The following PCID2 variants were observed in gnomAD, a reference collection of about 807,000 sequenced individuals.
The protein encoded by PCID2 is PCI domain-containing protein 2.
In PCID2, 41 loss-of-function variants were observed where a neutral mutation model predicts 61.3. The observed-to-expected ratio is 0.67, with a 90% CI of 0.52 to 0.87. PCID2 has a LOEUF of 0.87. PCID2 is among the 40% of genes least tolerant of loss of function. The pLI is 0.00. For synonymous variants in PCID2, 187 were observed against 177.8 expected, an observed-to-expected ratio of 1.05 and a Z score of -0.41; for missense variants, 392 against 493.4, an observed-to-expected ratio of 0.79 and a Z score of 1.95.
chr13:113,180,656 G>A (rs2037549335), intron 10 of PCID2, among the ~76,000 whole-genome samples: 1 of 152,200 alleles, frequency 6.6e-6, no homozygotes, highest in African/African-American at 2.4e-5. Flanking sequence ...AATCCATTCA[G>A]AGCTACAGAA....
At chr13:113,170,353 T>A in the PCID2 span, 1 of 1,058,860 alleles carries the variant, frequency 9.4e-7, no homozygotes, top group Non-Finnish European at 1.5e-6. Flanking sequence ...CAGTAGACTT[T>A]ACTGCCCCTA....
intron 6 of PCID2, among the ~76,000 whole-genome samples, chr13:113,194,181 C>T (rs922004818): frequency 2.6e-5 from 4 of 152,146 alleles, no homozygotes; most frequent in Admixed American, 6.5e-5. Flanking sequence ...ACCCCCAGTC[C>T]GCACCACTTT....
At chr13:113,201,651 A>C (rs2039436878) in intron 1 of PCID2, among the ~76,000 whole-genome samples, 1 of 152,018 alleles carries the variant, frequency 6.6e-6, no homozygotes, top group African/African-American at 2.4e-5. Flanking sequence ...CTGTACTAAA[A>C]ATACAAAAAA....
chr13:113,185,673 G>T, intron 7 of PCID2, 113 bp from the exon 8 acceptor site: 1 of 644,970 alleles, frequency 1.6e-6, no homozygotes, highest in South Asian at 2.1e-5. Context: ...CAAAGCTCAA[G>T]TCATATTCAT....
At chr13:113,176,872 C>T (rs969107490), downstream of PCID2, among the ~76,000 whole-genome samples, 2 of 152,154 alleles carry the variant, frequency 1.3e-5, no homozygotes, top group Admixed American at 6.5e-5. Flanking sequence ...AGAAGCCGAC[C>T]GTGCTGGCAA....
chr13:113,170,396 T>G, the PCID2 span: 1 of 1,437,460 alleles, frequency 7.0e-7, no homozygotes, highest in Non-Finnish European at 9.8e-7. Context: ...ATTTATTGTC[T>G]GTTTTGATTT....
At chr13:113,165,344 C>T in the PCID2 span, among the ~76,000 whole-genome samples, 4 of 152,204 alleles carry the variant, frequency 2.6e-5, no homozygotes, top group African/African-American at 7.2e-5. Flanking sequence ...AAGACCTTTC[C>T]TCTGCAGTTC....
chr13:113,169,782 C>T, the PCID2 span, among the ~76,000 whole-genome samples: 1 of 152,240 alleles, frequency 6.6e-6, no homozygotes, highest in Non-Finnish European at 1.5e-5. Context: ...GTCCCTCTCA[C>T]ACTCTTGGGT....
the PCID2 span, among the ~76,000 whole-genome samples, chr13:113,168,355 G>A: frequency 6.6e-6 from 1 of 152,196 alleles, no homozygotes; most frequent in Admixed American, 6.5e-5. Context: ...GGCGTCTGGG[G>A]AAGAAGCCTT....
chr13:113,172,699 T>C (rs2037137647), downstream of PCID2, among the ~76,000 whole-genome samples: 1 of 152,220 alleles, frequency 6.6e-6, no homozygotes, highest in African/African-American at 2.4e-5. Flanking sequence ...CGCCGGCGTC[T>C]CACGGGGTTG....
chr13:113,175,106 G>A (rs947601167), downstream of PCID2, among the ~76,000 whole-genome samples: 2 of 152,150 alleles, frequency 1.3e-5, no homozygotes, highest in Non-Finnish European at 2.9e-5. Flanking sequence ...CGCCATGATT[G>A]TAAGTTTCCT....
At chr13:113,205,398 T>C (rs749306411) in intron 1 of PCID2, among the ~76,000 whole-genome samples, 91 of 152,288 alleles carry the variant, frequency 6.0e-4, no homozygotes, top group African/African-American at 1.6e-3. Context: ...AGTGAAGAAA[T>C]TGCAACCCTC....
chr13:113,187,233 G>C (rs1477987143), intron 7 of PCID2: 1 of 152,188 alleles, frequency 6.6e-6, no homozygotes, highest in Admixed American at 6.5e-5. Context: ...TATCGTAGCT[G>C]GTCTGGCACC....
intron 9 of PCID2, among the ~76,000 whole-genome samples, chr13:113,182,625 G>A (rs895755460): frequency 1.3e-5 from 2 of 152,014 alleles, no homozygotes; most frequent in Non-Finnish European, 2.9e-5. Context: ...TCAGCCTCCC[G>A]AGTAGCTGGG....
chr13:113,203,918 G>A (rs994634015), intron 1 of PCID2, among the ~76,000 whole-genome samples: 28 of 152,230 alleles, frequency 1.8e-4, no homozygotes, highest in African/African-American at 6.0e-4. Context: ...CCCCAGAGAG[G>A]ATATGCCTTC....
intron 1 of PCID2, among the ~76,000 whole-genome samples, chr13:113,204,729 G>C (rs1200731888): frequency 6.6e-6 from 1 of 152,226 alleles, no homozygotes; most frequent in African/African-American, 2.4e-5. Flanking sequence ...TAAACTGTGA[G>C]AAGACTGGGG....
Position 113,180,291 on chromosome 13 carries a change from A to G in PCID2, c.787-60T>C. Reference sequence around the variant, plus strand: ...ATTTTTGACAAAATTGTCCTTGATAAATATTCATATCAAGGAATTAAGTTT... The same window carrying G: ...ATTTTTGACAAAATTGTCCTTGATAGATATTCATATCAAGGAATTAAGTTT... On this transcript the variant is annotated intron_variant, in intron 10 of 13. Transcript: ENST00000337344. 1.6e-6 allele frequency: 2 copies of G among 1,268,740 alleles called. 1 individual carries two copies. Among genetic ancestry groups the G allele is most frequent in the East Asian group, 4.6e-5 (2 of 43,256 alleles). 78.6% of individuals were successfully genotyped at this position (1,268,740 alleles called of 1,614,324 possible). A position where few individuals can be genotyped will look rare whatever the true frequency, so the allele number is the denominator to read the frequency against.
At chr13:113,184,324 GA>G (rs755794188) in intron 9 of PCID2, 21 bp downstream of exon 9, 6 of 1,601,044 alleles carry the variant, frequency 3.7e-6, no homozygotes, top group Admixed American at 1.7e-5. Flanking sequence ...AAAATACTGG[GA>G]AAAAAAGATT....
At chr13:113,175,476 GT>G (rs71101555), downstream of PCID2, among the ~76,000 whole-genome samples, 26,144 of 152,178 alleles carry the variant, frequency 0.17, 2,908 homozygotes, top group South Asian at 0.41. Context: ...TAAGTCAAAA[GT>G]TGAAGGATGT....
Sources: allele counts gnomAD v4.1 joint callset (sites outside exome capture counted in the v4.1 genomes callset), GRCh38; gene constraint gnomAD v4.1.1; transcripts MANE v1.5; gene names NCBI Gene and HGNC (gene_info 2026-07-23, HGNC 2026-07-21).